PPP2R5E: variants seen among roughly 807,000 people sequenced by gnomAD.
The protein encoded by PPP2R5E is protein phosphatase 2 regulatory subunit B'epsilon.
PPP2R5E carries 4 observed loss-of-function variants against 65.3 expected under a neutral mutation model. That is an observed-to-expected ratio of 0.06 (90% CI 0.03 to 0.14). The LOEUF is 0.14. PPP2R5E is among the 10% of genes least tolerant of loss of function. The pLI is 1.00. For missense variants in PPP2R5E, 274 were observed against 556.1 expected (o/e 0.49, Z 5.10); for synonymous variants, 183 against 187.4 (o/e 0.98, Z 0.19).
At chr14:63,464,412 G>A (rs746434660) in intron 2 of PPP2R5E, among the ~76,000 whole-genome samples, 3 of 152,166 alleles carry the variant, frequency 2.0e-5, no homozygotes, top group Non-Finnish European at 4.4e-5. Flanking sequence ...AGTCAGCCAA[G>A]GCTGTCTGGG....
intron 2 of PPP2R5E, among the ~76,000 whole-genome samples, chr14:63,463,142 G>A (rs530330714): frequency 0.019 from 2,765 of 146,302 alleles, 38 homozygotes; most frequent in Non-Finnish European, 0.028. Context: ...TTTTGTTTTT[G>A]TTTTTGTTTT....
In PPP2R5E at chr14:63,382,156, C is replaced by T; in HGVS notation, c.1204G>A (p.Ala402Thr). Reference protein sequence around the residue: ...YRISKEHWNPAIVALVYNVLK... With the variant: ...YRISKEHWNPTIVALVYNVLK... ...ACATTGTACACCAACGCCACAATAG[C>T]CCTGGAAAGCACAGAAAAAAAGGAG... Residue 402 changes from alanine to threonine, a missense_variant and splice_region_variant, in exon 13 of 14, where the codon GCT (alanine) becomes ACT (threonine). Around this residue, in one of 6 missense-constraint regions of PPP2R5E, gnomAD observed 129 missense variants for 254.9 expected, o/e 0.51. Coordinates refer to ENST00000337537, the MANE Select transcript of PPP2R5E (RefSeq NM_006246.5). The T allele has an allele frequency of 1.2e-6, 2 of 1,611,734 alleles. No homozygotes were observed. Among genetic ancestry groups the T allele is most frequent in the Non-Finnish European group, 1.7e-6 (2 of 1,178,434 alleles).
chr14:63,460,295 G>A (rs1223996933), intron 2 of PPP2R5E, among the ~76,000 whole-genome samples: 2 of 152,138 alleles, frequency 1.3e-5, no homozygotes, highest in African/African-American at 2.4e-5. Context: ...TAAGTCATTT[G>A]TCCAACATGA....
At chr14:63,450,475 C>T (rs928916592) in intron 3 of PPP2R5E, among the ~76,000 whole-genome samples, 1 of 151,984 alleles carries the variant, frequency 6.6e-6, no homozygotes, top group African/African-American at 2.4e-5. Flanking sequence ...AAACGGTCTC[C>T]CTTAGGAGAC....
At chr14:63,542,091 C>T (rs1255718) in intron 1 of PPP2R5E, among the ~76,000 whole-genome samples, 62,442 of 152,056 alleles carry the variant, frequency 0.41, 16,309 homozygotes, top group African/African-American at 0.75. Context: ...TCACTCTTTT[C>T]GTCTCTTCTT....
chr14:63,543,276 A>C lies in PPP2R5E; in HGVS notation c.-505T>G, dbSNP rs1197455315. On this transcript the variant is annotated 5_prime_UTR_variant, in exon 1 of 14. Coordinates refer to ENST00000337537, the MANE Select transcript of PPP2R5E (RefSeq NM_006246.5). ...GCCGCTGCCAGAGCCACCTTTCGCT[A>C]CCCGCGGTGGGTCCCAGTCAATGCC... 1 of 153,562 alleles carries C rather than the reference A, an allele frequency of 6.5e-6. No individual in the cohort carries two copies. The highest frequency in any genetic ancestry group is 1.5e-5 in the Non-Finnish European group (1 of 68,886). 9.5% of individuals were successfully genotyped at this position (153,562 alleles called of 1,614,324 possible).
At position 63,395,385 on chromosome 14, in the gene PPP2R5E, GAA is replaced by G. The variant is rs1203523660; in HGVS notation, c.681-102_681-101del. ...AGGAGGAGAAGGGGGAGGAGGAGGA[GAA>G]GAGGAGGAGGAGGAGGAGAGCGGGG... On this transcript the variant is annotated intron_variant, in intron 6 of 13. Transcript: ENST00000337537. 6 of 583,494 alleles carry G rather than the reference GAA, an allele frequency of 1.0e-5. No individual in the cohort carries two copies. The African/African-American group carries it at 1.2e-4, about 12-fold the overall frequency. 36.1% of individuals were successfully genotyped at this position (583,494 alleles called of 1,614,324 possible). A position where few individuals can be genotyped will look rare whatever the true frequency, so the allele number is the denominator to read the frequency against.
At position 63,539,643 on chromosome 14, in the gene PPP2R5E, C is replaced by A; in HGVS notation, c.43G>T (p.Asp15Tyr). Residue 15 changes from aspartate to tyrosine, a missense_variant, in exon 2 of 14, where the codon GAC becomes TAC. Asp to Tyr is a radical substitution (Grantham distance 160). Coordinates refer to ENST00000337537, the MANE Select transcript of PPP2R5E (RefSeq NM_006246.5). ...CTGACGGACTTCCGAGAAAATCCGT[C>A]TACTTTATCCACTGATGGAGGAGTA... Reference protein sequence around the residue: ...PTTPPSVDKVDGFSRKSVRKA... With the variant: ...PTTPPSVDKVYGFSRKSVRKA... 1 of 1,614,038 alleles carries A rather than the reference C, an allele frequency of 6.2e-7. No individual in the cohort carries two copies. The highest frequency in any genetic ancestry group is 8.5e-7 in the Non-Finnish European group (1 of 1,179,944).
At chr14:63,422,523 G>A (rs1237566073) in intron 3 of PPP2R5E, among the ~76,000 whole-genome samples, 9 of 151,982 alleles carry the variant, frequency 5.9e-5, no homozygotes, top group Non-Finnish European at 1.0e-4. Flanking sequence ...TCAGGAGATC[G>A]AGACCATCCT....
intron 2 of PPP2R5E, among the ~76,000 whole-genome samples, chr14:63,520,078 C>T (rs1892834253): frequency 6.7e-6 from 1 of 150,224 alleles, no homozygotes; most frequent in Non-Finnish European, 1.5e-5. Context: ...CTCTGTCGCG[C>T]AGGCTGGAGT....
rs1883856054 is a variant in PPP2R5E, at chr14:63,374,287, T to C, written c.*1722A>G. 1 of 151,994 alleles carries C rather than the reference T, an allele frequency of 6.6e-6. No individual in the cohort carries two copies. Among genetic ancestry groups the C allele is most frequent in the Admixed American group, 6.6e-5 (1 of 15,256 alleles). The allele number at this position is 151,994 out of a possible 1,614,324, so 9.4% of individuals were successfully genotyped here. ...AAAACTGCGTATTCTACTTTATATT[T>C]AAATGTAAGGAAGAAAATATACAAG... On this transcript the variant is annotated 3_prime_UTR_variant, in exon 14 of 14. Transcript: ENST00000337537.
chr14:63,479,620 A>T (rs1344545077), intron 2 of PPP2R5E, among the ~76,000 whole-genome samples: 1 of 152,182 alleles, frequency 6.6e-6, no homozygotes, highest in East Asian at 1.9e-4. Context: ...TGCCTGTTTA[A>T]CTCAGTCTAT....
chr14:63,400,950 T>G (rs919153331), intron 5 of PPP2R5E, among the ~76,000 whole-genome samples: 3 of 152,196 alleles, frequency 2.0e-5, no homozygotes, highest in Admixed American at 2.0e-4. Context: ...TTAGCAAAAC[T>G]TGAATCAACC....
chr14:63,415,216 A>T lies in PPP2R5E; in HGVS notation c.473T>A (p.Phe158Tyr). Reference sequence around the variant, plus strand: ...TTCTTGGCTTTCCAAAAATCGTATGAAAAATTCATATACAAGCTGCAACAA... The same window carrying T: ...TTCTTGGCTTTCCAAAAATCGTATGTAAAATTCATATACAAGCTGCAACAA... ...WPHLQLVYEFFIRFLESQEFQ... is the reference protein window; with the variant it reads ...WPHLQLVYEFYIRFLESQEFQ... Residue 158 changes from phenylalanine to tyrosine, a missense_variant, in exon 5 of 14, where the codon TTC becomes TAC. This residue lies in a region of PPP2R5E where 19 missense variants were observed against 27.5 expected (regional missense o/e 0.69). Transcript: ENST00000337537. 6.3e-7 allele frequency: 1 copy of T among 1,599,540 alleles called. No homozygotes were observed. Among genetic ancestry groups the T allele is most frequent in the South Asian group, 1.1e-5 (1 of 90,412 alleles).
rs368508714 is a variant in PPP2R5E, at chr14:63,536,382, AAATG to A, written c.157+3143_157+3146del. Among the ~76,000 whole-genome samples, 644 of 152,342 alleles carry A rather than the reference AAATG, an allele frequency of 4.2e-3. 6 individuals carry two copies. Among genetic ancestry groups the A allele is most frequent in the African/African-American group, 0.015 (612 of 41,578 alleles). ...TACTATCAAAAAATTAAAAAGCAGAAAATGAGTGATGGTGAGGATATAGAAAACT... is the reference window on the plus strand; with the variant it reads ...TACTATCAAAAAATTAAAAAGCAGAAAGTGATGGTGAGGATATAGAAAACT... On this transcript the variant is annotated intron_variant, in intron 2 of 13. Coordinates refer to ENST00000337537, the MANE Select transcript of PPP2R5E (RefSeq NM_006246.5).
At chr14:63,426,881 C>T (rs996076800) in intron 3 of PPP2R5E, among the ~76,000 whole-genome samples, 4 of 152,130 alleles carry the variant, frequency 2.6e-5, no homozygotes, top group Admixed American at 1.3e-4. Context: ...GGGGAGGAAG[C>T]GGGGAGGCGT....
chr14:63,540,430 C>CAAA (rs202037803), intron 1 of PPP2R5E, among the ~76,000 whole-genome samples: 1 of 74,644 alleles, frequency 1.3e-5, no homozygotes. Context: ...GAGTCCATCT[C>CAAA]AAAAAAAAAA....
chr14:63,499,742 A>AG (rs759031003), intron 2 of PPP2R5E, among the ~76,000 whole-genome samples: 1 of 152,020 alleles, frequency 6.6e-6, no homozygotes. Context: ...AAAAAAAAAA[A>AG]GAAAGAAACC....
rs1397148027 is a variant in PPP2R5E, at chr14:63,395,300, G to C, written c.681-15C>G. The C allele has an allele frequency of 6.4e-7, 1 of 1,564,810 alleles. No individual in the cohort carries two copies. The highest frequency in any genetic ancestry group is 1.2e-5 in the South Asian group (1 of 86,776). The stretch of plus-strand genomic sequence containing the variant: ...CATAAACAAACCTGAGAGAAGAGGA[G>C]AAAAGGGAGGAGAAAGGAGGAGAGG... On this transcript the variant is annotated splice_polypyrimidine_tract_variant and intron_variant, in intron 6 of 13. Transcript: ENST00000337537.
Sources: gnomAD v4.1 joint callset for allele counts (sites outside exome capture counted in the v4.1 genomes callset) on GRCh38, gnomAD v4.1.1 for gene constraint, gnomAD v4.1.1 regional missense constraint, MANE v1.5 for transcripts, NCBI Gene and HGNC (gene_info 2026-07-23, HGNC 2026-07-21) for gene names.